RBFOX1: variants seen among roughly 807,000 people sequenced by gnomAD.
RBFOX1 encodes the protein RNA binding fox-1 homolog 1, also known as RNA binding protein fox-1 homolog 1.
A neutral mutation model predicts 57.7 loss-of-function variants in RBFOX1; 8 were observed. The ratio of observed to expected loss-of-function variants is 0.14; its 90% CI spans 0.08 to 0.25. RBFOX1 has a LOEUF of 0.25. RBFOX1 is among the 10% of genes least tolerant of loss of function. RBFOX1 has a pLI of 1.00. For synonymous variants in RBFOX1, 326 were observed against 222.4 expected (o/e 1.47, Z -4.15); for missense variants, 611 against 548.5 (o/e 1.11, Z -1.14).
At chr16:7,379,586 A>G (rs572339269) in intron 4 of RBFOX1, among the ~76,000 whole-genome samples, 12 of 152,290 alleles carry the variant, frequency 7.9e-5, no homozygotes, top group Admixed American at 2.0e-4. Context: ...TATAGACAAT[A>G]AAGAAACTCA....
intron 2 of RBFOX1, among the ~76,000 whole-genome samples, chr16:6,424,956 A>G (rs929788873): frequency 2.6e-5 from 4 of 152,334 alleles, no homozygotes; most frequent in Admixed American, 1.3e-4. Flanking sequence ...CTAAGTCGAC[A>G]TACCAAACAG....
At chr16:7,010,134 C>T (rs565582729) in intron 3 of RBFOX1, among the ~76,000 whole-genome samples, 15 of 152,316 alleles carry the variant, frequency 9.8e-5, no homozygotes, top group African/African-American at 3.1e-4. Flanking sequence ...CTGCAAAGCA[C>T]GTGATCATTC....
At chr16:6,513,387 A>T (rs145579636) in intron 2 of RBFOX1, among the ~76,000 whole-genome samples, 4 of 152,252 alleles carry the variant, frequency 2.6e-5, no homozygotes, top group East Asian at 3.9e-4. Flanking sequence ...CTACACATCA[A>T]ACTTTTCAGG....
intron 3 of RBFOX1, among the ~76,000 whole-genome samples, chr16:5,679,167 C>G (rs1316003357): frequency 6.6e-6 from 1 of 152,182 alleles, no homozygotes. Flanking sequence ...AAGGGCAAGG[C>G]TATTGAAAGT....
At chr16:6,681,199 T>A (rs2058598664) in intron 3 of RBFOX1, among the ~76,000 whole-genome samples, 1 of 152,052 alleles carries the variant, frequency 6.6e-6, no homozygotes, top group African/African-American at 2.4e-5. Flanking sequence ...GTAGTCCCAG[T>A]TACTTGGGAG....
At chr16:6,198,442 T>C (rs938888015) in intron 1 of RBFOX1, among the ~76,000 whole-genome samples, 1 of 152,092 alleles carries the variant, frequency 6.6e-6, no homozygotes, top group Non-Finnish European at 1.5e-5. Context: ...TTAAAGAAAA[T>C]AAAGAGGGAG....
intron 2 of RBFOX1, among the ~76,000 whole-genome samples, chr16:6,551,407 G>C (rs1175081744): frequency 4.6e-5 from 7 of 152,182 alleles, no homozygotes; most frequent in Admixed American, 4.6e-4. Context: ...TGGGAATAAA[G>C]AGATACTTCA....
chr16:6,487,706 T>A (rs1164236887), intron 2 of RBFOX1, among the ~76,000 whole-genome samples: 265 of 4,612 alleles, frequency 0.057, 4 homozygotes, highest in South Asian at 0.1. Context: ...AAAAAATATA[T>A]ATATATATAT....
chr16:7,676,347 T>A lies in RBFOX1; in HGVS notation c.931-427T>A, dbSNP rs78275230. Among the ~76,000 whole-genome samples the A allele has an allele frequency of 9.8e-3, 1,487 of 152,332 alleles. 24 individuals carry two copies. The highest frequency in any genetic ancestry group is 0.034 in the African/African-American group (1,412 of 41,570). On this transcript the variant is annotated intron_variant, in intron 13 of 15. Transcript: ENST00000550418. ...ATATAAAAGACAGGAAAGCATTCAC[T>A]TTATAAGAAAATAAGAACTGTTTGA...
intron 1 of RBFOX1, among the ~76,000 whole-genome samples, chr16:5,283,267 C>T (rs563806064): frequency 3.3e-5 from 5 of 152,344 alleles, no homozygotes; most frequent in South Asian, 4.1e-4. Flanking sequence ...TGGAGAACCT[C>T]TACTAGGGCA....
chr16:7,225,883 C>T (rs1203336897), intron 4 of RBFOX1, among the ~76,000 whole-genome samples: 2 of 98,836 alleles, frequency 2.0e-5, no homozygotes, highest in African/African-American at 1.3e-4. Flanking sequence ...TGCACATGTA[C>T]CCTAGAACTT....
rs35528338 is a variant in RBFOX1, at chr16:6,173,604, C to CTTTTTTTTTTTTTTTTTTTTTTTTTTTT, written c.-126-143368_-126-143367insTTTTTTTTTTTTTTTTTTTTTTTTTTTT. Among the ~76,000 whole-genome samples, 10 of 70,950 alleles carry CTTTTTTTTTTTTTTTTTTTTTTTTTTTT rather than the reference C, an allele frequency of 1.4e-4. 1 individual carries two copies. The highest frequency in any genetic ancestry group is 2.2e-4 in the Non-Finnish European group (9 of 41,244). 46.5% of individuals were successfully genotyped at this position (70,950 alleles called of 152,430 possible). On this transcript the variant is annotated intron_variant, in intron 1 of 15. Transcript: ENST00000550418. ...GTATGGAGTGGACACTGACCACTCC[C>CTTTTTTTTTTTTTTTTTTTTTTTTTTTT]TTTTTTTTTTTTTTTTTTTTTTTGA... is the stretch of plus-strand genomic sequence containing the variant.
chr16:5,982,282 T>C (rs199855744), intron 4 of RBFOX1, among the ~76,000 whole-genome samples: 1 of 150,960 alleles, frequency 6.6e-6, no homozygotes, highest in South Asian at 2.1e-4. Flanking sequence ...TTTTTTTTTT[T>C]CTTTTTTTTG....
chr16:5,466,273 C>G (rs960534603), intron 1 of RBFOX1, among the ~76,000 whole-genome samples: 1 of 152,156 alleles, frequency 6.6e-6, no homozygotes, highest in Non-Finnish European at 1.5e-5. Flanking sequence ...TGCAGTGGGC[C>G]CTTGCCATTT....
chr16:7,118,604 A>G (rs2066436316), intron 4 of RBFOX1, among the ~76,000 whole-genome samples: 1 of 152,182 alleles, frequency 6.6e-6, no homozygotes, highest in South Asian at 2.1e-4. Context: ...ATATAATCAC[A>G]TACATGTAAT....
At chr16:6,837,603 G>C (rs556028309) in intron 3 of RBFOX1, among the ~76,000 whole-genome samples, 1 of 152,200 alleles carries the variant, frequency 6.6e-6, no homozygotes, top group African/African-American at 2.4e-5. Flanking sequence ...GGAACAATTT[G>C]TGCAATCTTG....
In RBFOX1 at chr16:7,267,582, C is replaced by T. The variant is rs533780696; in HGVS notation, c.27+215484C>T. Among the ~76,000 whole-genome samples the T allele has an allele frequency of 2.1e-4, 31 of 150,992 alleles. No individual in the cohort carries two copies. The South Asian group carries it at 4.2e-3, about 21-fold the overall frequency. ...ATAAAATAAAATGGGAAGCCGAGCACGATGGCTCATGTCTGTAATCGTAGT... is the reference window on the plus strand; with the variant it reads ...ATAAAATAAAATGGGAAGCCGAGCATGATGGCTCATGTCTGTAATCGTAGT... On this transcript the variant is annotated intron_variant, in intron 4 of 15. Transcript: ENST00000550418.
chr16:6,863,066 T>G (rs531146430), intron 3 of RBFOX1, among the ~76,000 whole-genome samples: 7 of 152,170 alleles, frequency 4.6e-5, no homozygotes, highest in African/African-American at 1.7e-4. Flanking sequence ...TACATTATTC[T>G]ATGATGTATG....
At chr16:6,073,821 T>G (rs1359937329) in intron 1 of RBFOX1, among the ~76,000 whole-genome samples, 1 of 152,172 alleles carries the variant, frequency 6.6e-6, no homozygotes, top group African/African-American at 2.4e-5. Context: ...CTCTTTCAAC[T>G]GCAGGTGATA....
Sources: allele counts gnomAD v4.1 joint callset (sites outside exome capture counted in the v4.1 genomes callset), GRCh38; gene constraint gnomAD v4.1.1; transcripts MANE v1.5; gene names NCBI Gene and HGNC (gene_info 2026-07-23, HGNC 2026-07-21).